The following RGS7BP variants were observed in gnomAD, a reference collection of about 807,000 sequenced individuals.
The protein encoded by RGS7BP is regulator of G protein signaling 7-binding protein.
RGS7BP carries 9 observed loss-of-function variants against 31.3 expected under a neutral mutation model. The observed-to-expected ratio is 0.29, with a 90% CI of 0.17 to 0.50. The LOEUF is 0.50. Ranked by LOEUF, RGS7BP falls within the 20% of genes least tolerant of loss-of-function variation. RGS7BP has a pLI of 0.98. For synonymous variants in RGS7BP, 115 were observed against 120.1 expected, an observed-to-expected ratio of 0.96 and a Z score of 0.28; for missense variants, 274 against 322.0, an observed-to-expected ratio of 0.85 and a Z score of 1.14.
chr5:64,517,090 T>C (rs193199486), intron 2 of RGS7BP, among the ~76,000 whole-genome samples: 1 of 151,844 alleles, frequency 6.6e-6, no homozygotes, highest in East Asian at 1.9e-4. Flanking sequence ...ACCAGATGGT[T>C]CTGCACCCAT....
At chr5:64,513,162 CA>C (rs1335992670) in intron 2 of RGS7BP, among the ~76,000 whole-genome samples, 9 of 152,136 alleles carry the variant, frequency 5.9e-5, no homozygotes, top group African/African-American at 2.2e-4. Flanking sequence ...TGTTGAGATC[CA>C]AACCTAGTAC....
intron 2 of RGS7BP, among the ~76,000 whole-genome samples, chr5:64,548,319 C>A (rs766468345): frequency 2.0e-4 from 30 of 152,142 alleles, no homozygotes; most frequent in South Asian, 6.2e-4. Context: ...ATAATAGAGA[C>A]ACATATTTAT....
chr5:64,554,788 T>C (rs1244871539), intron 2 of RGS7BP, among the ~76,000 whole-genome samples: 1 of 152,004 alleles, frequency 6.6e-6, no homozygotes, highest in Non-Finnish European at 1.5e-5. Context: ...ATATGTCAAA[T>C]TATTAAAGAC....
chr5:64,578,545 T>C (rs1042673592), intron 3 of RGS7BP, among the ~76,000 whole-genome samples: 52 of 152,194 alleles, frequency 3.4e-4, no homozygotes, highest in Non-Finnish European at 1.0e-4. Flanking sequence ...ACTGCTCCTC[T>C]ACCCTTTGAG....
intron 2 of RGS7BP, among the ~76,000 whole-genome samples, chr5:64,552,534 AC>A (rs1343266321): frequency 6.6e-6 from 1 of 152,198 alleles, no homozygotes; most frequent in Non-Finnish European, 1.5e-5. Context: ...GACTCGACAT[AC>A]CTAACATATC....
chr5:64,575,974 C>A, intron 3 of RGS7BP, 70 bp downstream of exon 3: 1 of 1,373,988 alleles, frequency 7.3e-7, no homozygotes, highest in Non-Finnish European at 1.0e-6. Flanking sequence ...GCAAAGTGTC[C>A]GTATATACCA....
intron 2 of RGS7BP, among the ~76,000 whole-genome samples, chr5:64,534,582 T>A (rs1230066532): frequency 6.6e-6 from 1 of 152,098 alleles, no homozygotes; most frequent in Non-Finnish European, 1.5e-5. Context: ...CAAGTCGGTC[T>A]GAGTAACTGA....
intron 4 of RGS7BP, 50 bp downstream of exon 4, chr5:64,594,907 G>A (rs1361522880): frequency 6.4e-7 from 1 of 1,573,258 alleles, no homozygotes; most frequent in Admixed American, 1.7e-5. Flanking sequence ...TCCCGTTAAT[G>A]TTCTTAGGGG....
chr5:64,598,312 T>A, intron 4 of RGS7BP, 53 bp from the exon 5 acceptor site: 1 of 1,049,048 alleles, frequency 9.5e-7, no homozygotes, highest in Non-Finnish European at 1.5e-6. Context: ...TTGTTTGAGA[T>A]TTCATTTTGA....
chr5:64,582,249 A>C (rs1270152045), intron 3 of RGS7BP, among the ~76,000 whole-genome samples: 1 of 152,216 alleles, frequency 6.6e-6, no homozygotes, highest in Non-Finnish European at 1.5e-5. Flanking sequence ...GGTTTCACTC[A>C]CTTCGTTGGC....
chr5:64,587,594 C>G (rs915444802), intron 3 of RGS7BP, among the ~76,000 whole-genome samples: 8 of 152,168 alleles, frequency 5.3e-5, no homozygotes, highest in Non-Finnish European at 8.8e-5. Context: ...CAGGAGGACA[C>G]TTTGTGCTAA....
chr5:64,594,647 T>A, intron 3 of RGS7BP, 63 bp from the exon 4 acceptor site: 7 of 1,555,214 alleles, frequency 4.5e-6, no homozygotes, highest in Non-Finnish European at 6.2e-6. Flanking sequence ...ACATCCTGCA[T>A]ATAGAACCTG....
intron 2 of RGS7BP, among the ~76,000 whole-genome samples, chr5:64,540,013 G>A (rs982964039): frequency 2.8e-4 from 42 of 151,998 alleles, no homozygotes; most frequent in African/African-American, 1.0e-3. Context: ...TTTTAATGAA[G>A]ATTCTTTTTG....
In RGS7BP at chr5:64,609,512, A is replaced by G. The variant is rs778691813; in HGVS notation, c.*260A>G. ...AGCTGACATTGTGCATGTCTGCTCC[A>G]AACCACGCCATGACAGATGCAAGAA... On this transcript the variant is annotated 3_prime_UTR_variant, in exon 6 of 6. Coordinates refer to ENST00000334025, the MANE Select transcript of RGS7BP (RefSeq NM_001029875.3). 1 of 458,818 alleles carries G rather than the reference A, an allele frequency of 2.2e-6. No homozygotes were observed. The highest frequency in any genetic ancestry group is 1.9e-5 in the African/African-American group (1 of 51,298). The allele number at this position is 458,818 out of a possible 1,614,324, so 28.4% of individuals were successfully genotyped here.
chr5:64,551,234 A>AT (rs1224123526), intron 2 of RGS7BP, among the ~76,000 whole-genome samples: 1 of 148,868 alleles, frequency 6.7e-6, no homozygotes, highest in African/African-American at 2.5e-5. Context: ...TGTCTTAAGG[A>AT]TTTTTTTTAT....
intron 2 of RGS7BP, among the ~76,000 whole-genome samples, chr5:64,561,506 A>G (rs1446356246): frequency 6.6e-6 from 1 of 152,070 alleles, no homozygotes; most frequent in African/African-American, 2.4e-5. Context: ...AACCTCTCTC[A>G]AGCCTCATTT....
At chr5:64,524,307 G>A (rs1468104158) in intron 2 of RGS7BP, among the ~76,000 whole-genome samples, 1 of 152,124 alleles carries the variant, frequency 6.6e-6, no homozygotes, top group Non-Finnish European at 1.5e-5. Context: ...AAGATTTAAT[G>A]TACCCCATCC....
At chr5:64,513,667 A>G (rs1179139860) in intron 2 of RGS7BP, among the ~76,000 whole-genome samples, 1 of 152,194 alleles carries the variant, frequency 6.6e-6, no homozygotes, top group Non-Finnish European at 1.5e-5. Flanking sequence ...TTTGATCCAC[A>G]CGGTGGAGGA....
chr5:64,520,878 G>A (rs565642343), intron 2 of RGS7BP, among the ~76,000 whole-genome samples: 2 of 152,358 alleles, frequency 1.3e-5, no homozygotes, highest in African/African-American at 4.8e-5. Context: ...TCCTAAGGAA[G>A]TAACATTGAG....
Sources: gnomAD v4.1 joint callset for allele counts (sites outside exome capture counted in the v4.1 genomes callset) on GRCh38, gnomAD v4.1.1 for gene constraint, MANE v1.5 for transcripts, NCBI Gene and HGNC (gene_info 2026-07-23, HGNC 2026-07-21) for gene names.